TCF12: variants seen among roughly 807,000 people sequenced by gnomAD.
TCF12 encodes the protein DNA-binding protein HTF4.
Under a neutral mutation model 86.0 loss-of-function variants are expected in TCF12, and 45 were observed. The ratio of observed to expected loss-of-function variants is 0.52; its 90% CI spans 0.41 to 0.67. TCF12 has a LOEUF of 0.67. Among genes scored for constraint, TCF12 ranks in the 30% least tolerant of loss-of-function variants. The pLI, the probability that TCF12 is intolerant of heterozygous loss-of-function variation, is 0.00. For synonymous variants in TCF12, 330 were observed against 299.6 expected (o/e 1.10, Z -1.05); for missense variants, 881 against 859.9 (o/e 1.02, Z -0.31).
rs577159356 is a variant in TCF12 at position 57,285,539 on chromosome 15, T to A, written c.*12-618T>A. Reference sequence around the variant, plus strand: ...ATGCAAGGTAGCCTCTGACCTCAGGTGCTCTCAGTTTAGATGAAATAAATG... The same window carrying A: ...ATGCAAGGTAGCCTCTGACCTCAGGAGCTCTCAGTTTAGATGAAATAAATG... On this transcript the variant is annotated intron_variant, in intron 20 of 20. Transcript: ENST00000333725. Among the ~76,000 whole-genome samples the A allele has an allele frequency of 3.3e-5, 5 of 152,302 alleles. No individual in the cohort carries two copies. In the South Asian group the frequency reaches 8.3e-4, roughly 25 times the overall value.
At chr15:57,283,984 A>C (rs2061819542) in intron 20 of TCF12, among the ~76,000 whole-genome samples, 1 of 152,172 alleles carries the variant, frequency 6.6e-6, no homozygotes, top group South Asian at 2.1e-4. Context: ...ACACTGGAGA[A>C]AACCTCAAAC....
chr15:57,191,866 A>T (rs562493514), intron 6 of TCF12, among the ~76,000 whole-genome samples: 1 of 151,944 alleles, frequency 6.6e-6, no homozygotes, highest in Admixed American at 6.6e-5. Context: ...CACGGGAGGC[A>T]GAGGTCGCAG....
chr15:57,055,974 T>G (rs1018301313), intron 3 of TCF12, among the ~76,000 whole-genome samples: 1 of 152,204 alleles, frequency 6.6e-6, no homozygotes, highest in Non-Finnish European at 1.5e-5. Flanking sequence ...TTGTTTTCTT[T>G]TAATCCTTTT....
At chr15:56,979,209 A>G (rs1302013881) in intron 3 of TCF12, among the ~76,000 whole-genome samples, 3 of 152,150 alleles carry the variant, frequency 2.0e-5, no homozygotes, top group African/African-American at 7.2e-5. Context: ...AGTCTTTAGG[A>G]TAAGAAGCTA....
chr15:56,983,531 G>A (rs1020378457), intron 3 of TCF12, among the ~76,000 whole-genome samples: 1 of 152,042 alleles, frequency 6.6e-6, no homozygotes, highest in Admixed American at 6.6e-5. Context: ...TGTATTAGTG[G>A]TAAATACTAT....
At chr15:57,063,668 A>G (rs904651461) in intron 3 of TCF12, 82 bp from the exon 4 acceptor site, 47 of 1,149,330 alleles carry the variant, frequency 4.1e-5, no homozygotes, top group Non-Finnish European at 5.6e-5. Context: ...ACCACTTGCT[A>G]AATTGTACTC....
intron 3 of TCF12, among the ~76,000 whole-genome samples, chr15:56,922,429 C>T (rs1284168609): frequency 6.6e-6 from 1 of 151,838 alleles, no homozygotes; most frequent in African/African-American, 2.4e-5. Context: ...AGAATAAAGG[C>T]AATTACATTT....
chr15:57,233,164 A>G (rs896599777), intron 11 of TCF12, among the ~76,000 whole-genome samples: 15 of 150,784 alleles, frequency 9.9e-5, no homozygotes, highest in South Asian at 2.1e-4. Context: ...ATGTGTGTGT[A>G]TATATATGTA....
intron 8 of TCF12, among the ~76,000 whole-genome samples, chr15:57,220,651 C>T (rs1304807945): frequency 6.6e-6 from 1 of 150,842 alleles, no homozygotes; most frequent in Non-Finnish European, 1.5e-5. Context: ...TAATAATTTA[C>T]TGTGTTTCTA....
At chr15:57,048,982 T>G (rs952788995) in intron 3 of TCF12, among the ~76,000 whole-genome samples, 3 of 152,142 alleles carry the variant, frequency 2.0e-5, no homozygotes, top group Non-Finnish European at 2.9e-5. Context: ...GAAGTGTTGG[T>G]GAATGACTCA....
chr15:57,240,897 A>AAAAAG, intron 12 of TCF12, among the ~76,000 whole-genome samples: 2 of 151,070 alleles, frequency 1.3e-5, no homozygotes, highest in Non-Finnish European at 3.0e-5. Flanking sequence ...AAAAAAAAAA[A>AAAAAG]AAAAGAAAGG....
chr15:57,008,805 C>G (rs1351415302), intron 3 of TCF12, among the ~76,000 whole-genome samples: 1 of 152,070 alleles, frequency 6.6e-6, no homozygotes, highest in African/African-American at 2.4e-5. Flanking sequence ...TTAAATTGAA[C>G]ATAAAGCAAA....
intron 6 of TCF12, among the ~76,000 whole-genome samples, chr15:57,175,858 C>G (rs1310767184): frequency 1.3e-5 from 2 of 152,140 alleles, no homozygotes; most frequent in Admixed American, 6.5e-5. Context: ...AGAAATTAAG[C>G]ATTCCAGATT....
At position 57,227,675 on chromosome 15, in the gene TCF12, G is replaced by C. The variant is rs566172095; in HGVS notation, c.580-3477G>C. Among the ~76,000 whole-genome samples, 4 of 152,152 alleles carry C rather than the reference G, an allele frequency of 2.6e-5. No individual in the cohort carries two copies. In the East Asian group the frequency reaches 7.7e-4, roughly 29 times the overall value. The stretch of plus-strand genomic sequence containing the variant: ...TTTTCTATTTTATTCTTCCAAGTTA[G>C]AACTGTCTGTTCACCACACATTCAA... On this transcript the variant is annotated intron_variant, in intron 8 of 20. Transcript: ENST00000333725.
At chr15:57,259,973 A>C (rs1451225528) in intron 16 of TCF12, among the ~76,000 whole-genome samples, 1 of 152,226 alleles carries the variant, frequency 6.6e-6, no homozygotes, top group Non-Finnish European at 1.5e-5. Context: ...GAATCAAGTT[A>C]CAAAGAAAAA....
chr15:57,080,395 C>G (rs925114913), intron 4 of TCF12, among the ~76,000 whole-genome samples: 1 of 152,250 alleles, frequency 6.6e-6, no homozygotes, highest in East Asian at 1.9e-4. Flanking sequence ...CCTTCATTGC[C>G]GGTTCTTTGT....
chr15:56,956,858 T>C (rs972156563), intron 3 of TCF12, among the ~76,000 whole-genome samples: 3 of 152,202 alleles, frequency 2.0e-5, no homozygotes, highest in African/African-American at 7.2e-5. Flanking sequence ...TACAATGTTT[T>C]CATGTTTCTT....
intron 3 of TCF12, among the ~76,000 whole-genome samples, chr15:57,018,882 G>A (rs2065306968): frequency 6.6e-6 from 1 of 152,158 alleles, no homozygotes; most frequent in East Asian, 1.9e-4. Context: ...CTAACTACTG[G>A]TTCTTTTTAG....
At chr15:57,055,055 T>G (rs1436558860) in intron 3 of TCF12, among the ~76,000 whole-genome samples, 3 of 152,106 alleles carry the variant, frequency 2.0e-5, no homozygotes. Context: ...TCTTTTTATT[T>G]ATTATATATG....
Sources: gnomAD v4.1 joint callset for allele counts (sites outside exome capture counted in the v4.1 genomes callset) on GRCh38, gnomAD v4.1.1 for gene constraint, MANE v1.5 for transcripts, NCBI Gene and HGNC (gene_info 2026-07-23, HGNC 2026-07-21) for gene names.